ARFGAP3: variants seen among roughly 807,000 people sequenced by gnomAD.
The protein encoded by ARFGAP3 is ADP-ribosylation factor GTPase-activating protein 3.
A neutral mutation model predicts 75.0 loss-of-function variants in ARFGAP3; 72 were observed. The observed-to-expected ratio is 0.96, with a 90% confidence interval of 0.79 to 1.17. ARFGAP3 has a LOEUF of 1.17. Among genes scored for constraint, ARFGAP3 ranks in the 50% most tolerant of loss-of-function variants. The probability of loss-of-function intolerance (pLI) is 0.00; values close to 1 mark genes in which losing one functional copy is unlikely to be tolerated. For missense variants in ARFGAP3, 620 were observed against 626.6 expected (o/e 0.99, Z 0.11); for synonymous variants, 221 against 217.9 (o/e 1.01, Z -0.13).
Position 42,797,591 on chromosome 22 carries a change from A to C in ARFGAP3, c.1548T>G (p.Ser516=). 6.2e-7 allele frequency: 1 copy of C among 1,614,172 alleles called. No homozygotes were observed. Among genetic ancestry groups the C allele is most frequent in the Non-Finnish European group, 8.5e-7 (1 of 1,180,002 alleles). The change falls in exon 16 of 16, where the codon TCT becomes TCG. Residue 516 remains serine, a synonymous_variant. Transcript: ENST00000263245. ...AATACACATCATGACTTCAGTATTAAGAACCGTAGCGATCCTGAAGAGAGA... is the reference window on the plus strand; with the variant it reads ...AATACACATCATGACTTCAGTATTACGAACCGTAGCGATCCTGAAGAGAGA... ...VVTSIQDRYG[S] is the part of the protein sequence containing the mutation.
intron 15 of ARFGAP3, among the ~76,000 whole-genome samples, chr22:42,798,295 A>G (rs1010151132): frequency 6.6e-6 from 1 of 152,248 alleles, no homozygotes; most frequent in African/African-American, 2.4e-5. Flanking sequence ...GCCCTCCTTG[A>G]ACTGCAGCTA....
Position 42,799,025 on chromosome 22 carries a change from C to T in ARFGAP3, c.1533+14G>A. 1 of 1,612,186 alleles carries T rather than the reference C, an allele frequency of 6.2e-7. No individual in the cohort carries two copies. Among genetic ancestry groups the T allele is most frequent in the Non-Finnish European group, 8.5e-7 (1 of 1,178,230 alleles). On this transcript the variant is annotated intron_variant, in intron 15 of 15. Transcript: ENST00000263245. ...TACCGTCATAGCCAGTGAGCACTGC[C>T]CCATTCCACTGACCTGAATTGAAGT...
chr22:42,856,919 C>T lies in ARFGAP3; in HGVS notation c.69+195G>A, dbSNP rs927525800. On this transcript the variant is annotated intron_variant, in intron 1 of 15. Coordinates refer to ENST00000263245, the MANE Select transcript of ARFGAP3 (RefSeq NM_014570.5). ...GGCTCGCGTGAGGACCCCCGCGCTG[C>T]GGCCTCCCGCCCGGGCCTCTCAGCT... 2.1e-3 allele frequency among the ~76,000 whole-genome samples: 315 copies of T among 150,580 alleles called. 2 individuals carry two copies. The highest frequency in any genetic ancestry group is 1.6e-3 in the East Asian group (8 of 5,144).
At chr22:42,804,769 G>A (rs1925046088) in intron 14 of ARFGAP3, among the ~76,000 whole-genome samples, 1 of 152,108 alleles carries the variant, frequency 6.6e-6, no homozygotes, top group South Asian at 2.1e-4. Context: ...GCCTACCTCG[G>A]CCTCCCAAAG....
chr22:42,813,296 G>A (rs1031905823), intron 11 of ARFGAP3, among the ~76,000 whole-genome samples: 7 of 152,100 alleles, frequency 4.6e-5, no homozygotes, highest in African/African-American at 1.7e-4. Flanking sequence ...AGTTTCTCAC[G>A]GAGCTGACCT....
intron 1 of ARFGAP3, among the ~76,000 whole-genome samples, chr22:42,848,488 G>A (rs1253859363): frequency 2.6e-5 from 4 of 152,238 alleles, no homozygotes; most frequent in Non-Finnish European, 4.4e-5. Context: ...GATTACAGGC[G>A]TGAGCCACCG....
At chr22:42,810,441 GCAA>G (rs1046382592) in intron 12 of ARFGAP3, among the ~76,000 whole-genome samples, 3 of 152,128 alleles carry the variant, frequency 2.0e-5, no homozygotes, top group Non-Finnish European at 4.4e-5. Flanking sequence ...TCCAGCCTGG[GCAA>G]CAGAGTGAGA....
chr22:42,835,221 C>A, intron 4 of ARFGAP3, 141 bp downstream of exon 4: 1 of 928,822 alleles, frequency 1.1e-6, no homozygotes, highest in Non-Finnish European at 1.6e-6. Flanking sequence ...AACATAACTA[C>A]TTCAATAGTA....
intron 14 of ARFGAP3, among the ~76,000 whole-genome samples, chr22:42,805,140 G>A (rs1345505590): frequency 6.6e-6 from 1 of 152,078 alleles, no homozygotes; most frequent in African/African-American, 2.4e-5. Context: ...TCACCCCAGG[G>A]TGCACCTTAC....
chr22:42,840,141 G>C (rs1165658267), intron 3 of ARFGAP3, among the ~76,000 whole-genome samples: 1 of 151,966 alleles, frequency 6.6e-6, no homozygotes, highest in South Asian at 2.1e-4. Context: ...ATGTTGTCCA[G>C]GTCAGTCTTA....
intron 1 of ARFGAP3, among the ~76,000 whole-genome samples, chr22:42,856,208 C>T (rs948911860): frequency 3.9e-5 from 6 of 152,180 alleles, no homozygotes; most frequent in African/African-American, 1.4e-4. Flanking sequence ...CTCCCCTGTA[C>T]CATCAAGACT....
chr22:42,805,160 G>A lies in ARFGAP3; in HGVS notation c.1411+1913C>T, dbSNP rs117227787. 9.9e-5 allele frequency among the ~76,000 whole-genome samples: 15 copies of A among 152,178 alleles called. No individual in the cohort carries two copies. The East Asian group carries it at 1.9e-3, about 20-fold the overall frequency. On this transcript the variant is annotated intron_variant, in intron 14 of 15. Coordinates refer to ENST00000263245, the MANE Select transcript of ARFGAP3 (RefSeq NM_014570.5). Reference sequence around the variant, plus strand: ...CCAGGGTGCACCTTACAATGACCACGAGGTGCCAGGAACCAGGGTTGGTTT... The same window carrying A: ...CCAGGGTGCACCTTACAATGACCACAAGGTGCCAGGAACCAGGGTTGGTTT...
intron 6 of ARFGAP3, among the ~76,000 whole-genome samples, chr22:42,828,892 C>T (rs1926163261): frequency 6.6e-6 from 1 of 152,020 alleles, no homozygotes; most frequent in African/African-American, 2.4e-5. Context: ...GCAATGTTGG[C>T]CAGGCTGGCC....
chr22:42,833,220 C>T (rs918658530), intron 5 of ARFGAP3, among the ~76,000 whole-genome samples: 4 of 152,154 alleles, frequency 2.6e-5, no homozygotes, highest in African/African-American at 9.7e-5. Context: ...TGCATTAACT[C>T]ATCCAATAGC....
chr22:42,798,623 C>T (rs1465531427), intron 15 of ARFGAP3, among the ~76,000 whole-genome samples: 1 of 152,198 alleles, frequency 6.6e-6, no homozygotes, highest in Non-Finnish European at 1.5e-5. Context: ...AATATAATCC[C>T]TTTTTAACTT....
At chr22:42,819,998 T>C (rs1053864290) in intron 9 of ARFGAP3, among the ~76,000 whole-genome samples, 2 of 152,318 alleles carry the variant, frequency 1.3e-5, no homozygotes. Context: ...TAATGAAAGA[T>C]ACAAGTGAAG....
chr22:42,826,306 G>A (rs1163703772), intron 7 of ARFGAP3, among the ~76,000 whole-genome samples: 2 of 148,774 alleles, frequency 1.3e-5, no homozygotes, highest in Non-Finnish European at 3.0e-5. Context: ...GCTTATTTCC[G>A]TAAGGTGAGC....
intron 3 of ARFGAP3, among the ~76,000 whole-genome samples, chr22:42,840,490 C>G (rs1250674697): frequency 6.7e-6 from 1 of 150,092 alleles, no homozygotes; most frequent in Non-Finnish European, 1.5e-5. Flanking sequence ...GATCTCGGCT[C>G]ACTGCAACCT....
intron 14 of ARFGAP3, among the ~76,000 whole-genome samples, chr22:42,800,215 A>G (rs901470823): frequency 2.1e-4 from 32 of 152,268 alleles, no homozygotes; most frequent in African/African-American, 7.5e-4. Context: ...TAAGCCCCAC[A>G]TGACACCACC....
Sources: gnomAD v4.1 joint callset for allele counts (sites outside exome capture counted in the v4.1 genomes callset) on GRCh38, gnomAD v4.1.1 for gene constraint, MANE v1.5 for transcripts, NCBI Gene and HGNC (gene_info 2026-07-23, HGNC 2026-07-21) for gene names.